The following CCNG2 variants were observed in gnomAD, a reference collection of about 807,000 sequenced individuals.
The protein encoded by CCNG2 is cyclin-G2.
Under a neutral mutation model 36.5 loss-of-function variants are expected in CCNG2, and 20 were observed. That is an observed-to-expected ratio of 0.55 (90% CI 0.39 to 0.80). The LOEUF (loss-of-function observed/expected upper bound fraction) is 0.80, where lower values mean the gene tolerates loss of function less well. CCNG2 is among the 30% of genes least tolerant of loss of function. The pLI is 0.00. For missense variants in CCNG2, 358 were observed against 390.8 expected (o/e 0.92, Z 0.71); for synonymous variants, 155 against 140.1 (o/e 1.11, Z -0.75).
At chr4:77,164,179 A>G (rs1213462281) in intron 6 of CCNG2, 95 bp from the exon 7 acceptor site, 1 of 695,124 alleles carries the variant, frequency 1.4e-6, no homozygotes, top group Admixed American at 2.5e-5. Flanking sequence ...CCAGGCATCT[A>G]TATATATATA....
chr4:77,161,850 T>C, intron 6 of CCNG2, 103 bp downstream of exon 6: 1 of 685,082 alleles, frequency 1.5e-6, no homozygotes, highest in Non-Finnish European at 2.5e-6. Flanking sequence ...CTCTTAACTT[T>C]TACACTTGTT....
At position 77,161,554 on chromosome 4, in the gene CCNG2, C is replaced by G. The variant is rs1236195495; in HGVS notation, c.602C>G (p.Ala201Gly). The change falls in exon 5 of 8, where the codon GCA becomes GGA. Residue 201 changes from alanine (A) to glycine (G), a missense_variant. By Grantham distance (60) the Ala-to-Gly change is moderately conservative. Transcript: ENST00000316355. ...AACTGCCGACTCATCTTTTCAAAAG[C>G]AAAAGTAAGTCGATTCCTTGCTTAT... is the stretch of plus-strand genomic sequence containing the variant. Reference protein sequence around the residue: ...ACNCRLIFSKAKPSVLALCLL... With the variant: ...ACNCRLIFSKGKPSVLALCLL... 6.2e-7 allele frequency: 1 copy of G among 1,608,116 alleles called. No homozygotes were observed. Among genetic ancestry groups the G allele is most frequent in the Admixed American group, 1.7e-5 (1 of 59,042 alleles).
intron 1 of CCNG2, chr4:77,158,320 G>T (rs1264316714): frequency 3.6e-6 from 2 of 563,324 alleles, no homozygotes; most frequent in South Asian, 2.2e-5. Flanking sequence ...GCTGGCCGGC[G>T]GACCTGACCA....
chr4:77,164,418 T>C lies in CCNG2; in HGVS notation c.850T>C (p.Tyr284His). ...CACAGCCCAGAACCTCCACAACAGC[T>C]ACTATAGTGTTCCTGAGCTGCCAAC... ...RRTAQNLHNS[Y>H]YSVPELPTIP... Residue 284 changes from tyrosine (Y) to histidine (H), a missense_variant, in exon 7 of 8, where the codon TAC becomes CAC. Transcript: ENST00000316355. 1 of 1,614,162 alleles carries C rather than the reference T, an allele frequency of 6.2e-7. No homozygotes were observed. The highest frequency in any genetic ancestry group is 8.5e-7 in the Non-Finnish European group (1 of 1,180,014).
At position 77,160,868 on chromosome 4, in the gene CCNG2, GA is replaced by G; in HGVS notation, c.430del (p.Ile144Ter). The G allele has an allele frequency of 6.2e-7, 1 of 1,613,814 alleles. No individual in the cohort carries two copies. The highest frequency in any genetic ancestry group is 8.5e-7 in the Non-Finnish European group (1 of 1,179,958). On this transcript the variant is annotated frameshift_variant, in exon 4 of 8. Coordinates refer to ENST00000316355, the MANE Select transcript of CCNG2 (RefSeq NM_004354.3). LOFTEE classifies it high-confidence loss of function. ...KCTASDIKRMEKIISEKLHYE... is the reference protein window; with the variant it reads ...KCTASDIKRMXKIISEKLHYE... ...TACTGCTTCTGACATAAAACGGATG[GA>G]AAAAATAATTTCAGAAAAATTGCAC...
At chr4:77,159,206 T>A (rs1731357962) in intron 2 of CCNG2, among the ~76,000 whole-genome samples, 161 bp from the exon 3 acceptor site, 1 of 152,252 alleles carries the variant, frequency 6.6e-6, no homozygotes, top group South Asian at 2.1e-4. Flanking sequence ...TGTATAGCTT[T>A]AGTTAAGCGA....
rs1731412758 is a variant in CCNG2 at position 77,160,819 on chromosome 4, G to A, written c.375G>A (p.Val125=). Residue 125 remains valine, a synonymous_variant, in exon 4 of 8, where the codon GTG becomes GTA. Transcript: ENST00000316355. ...GCAATATTCCATCCACTCATGATGT[G>A]ATCCGGATTAGTCAGTGTAAATGTA... ...EDCNIPSTHD[V]IRISQCKCTA... is the part of the protein sequence containing the mutation. 1 of 1,613,878 alleles carries A rather than the reference G, an allele frequency of 6.2e-7. No individual in the cohort carries two copies. The highest frequency in any genetic ancestry group is 1.1e-5 in the South Asian group (1 of 91,068).
At chr4:77,159,616 A>C in intron 3 of CCNG2, 112 bp downstream of exon 3, 1 of 967,864 alleles carries the variant, frequency 1.0e-6, no homozygotes, top group Admixed American at 3.0e-5. Flanking sequence ...TGTACATAAA[A>C]ATTTATAATC....
At chr4:77,157,610 C>T (rs191466109) in intron 1 of CCNG2, 104 bp downstream of exon 1, 1 of 152,680 alleles carries the variant, frequency 6.5e-6, no homozygotes, top group Non-Finnish European at 1.5e-5. Context: ...GCTGCCTGCT[C>T]CTCATCCGCT....
rs1037012415 is a variant in CCNG2, at chr4:77,165,862, G to A, written c.973G>A (p.Asp325Asn). 3 of 1,611,798 alleles carry A rather than the reference G, an allele frequency of 1.9e-6. No homozygotes were observed. The highest frequency in any genetic ancestry group is 2.5e-6 in the Non-Finnish European group (3 of 1,179,104). Reference protein sequence around the residue: ...EESLSSSPPSDQECTFFFNFK... With the variant: ...EESLSSSPPSNQECTFFFNFK... Reference sequence around the variant, plus strand: ...GAGTCTCAGCAGCTCTCCTCCCAGTGATCAAGAGTGCACCTTCTTTTTCAA... The same window carrying A: ...GAGTCTCAGCAGCTCTCCTCCCAGTAATCAAGAGTGCACCTTCTTTTTCAA... Residue 325 changes from aspartate to asparagine, a missense_variant, in exon 8 of 8, where the codon GAT (aspartate) becomes AAT (asparagine). Coordinates refer to ENST00000316355, the MANE Select transcript of CCNG2 (RefSeq NM_004354.3).
At chr4:77,160,603 A>G (rs1731405597) in intron 3 of CCNG2, 118 bp from the exon 4 acceptor site, 2 of 1,011,568 alleles carry the variant, frequency 2.0e-6, no homozygotes, top group South Asian at 3.1e-5. Flanking sequence ...GCCAGTACAT[A>G]TAAGAGAAAC....
At chr4:77,158,702 C>CAGCT (rs757990917) in intron 2 of CCNG2, 32 bp downstream of exon 2, 1 of 1,611,824 alleles carries the variant, frequency 6.2e-7, no homozygotes, top group African/African-American at 1.3e-5. Flanking sequence ...CTTGCTCAAG[C>CAGCT]AGCTGATGGG....
rs1238412663 is a variant in CCNG2 at position 77,157,228 on chromosome 4, C to G, written c.-279C>G. ...CGAAACTCTTAACAAAAACAAGGGG[C>G]TCGGGGAGGTTTCCGCTGAGGCGGC... On this transcript the variant is annotated 5_prime_UTR_variant, in exon 1 of 8. Transcript: ENST00000316355. 1 of 152,204 alleles carries G rather than the reference C, an allele frequency of 6.6e-6. No homozygotes were observed. Among genetic ancestry groups the G allele is most frequent in the African/African-American group, 2.4e-5 (1 of 41,452 alleles). The allele number at this position is 152,204 out of a possible 1,614,324, so 9.4% of individuals were successfully genotyped here.
In CCNG2 at chr4:77,161,753, T is replaced by C; in HGVS notation, c.705+6T>C. ...TAGTTAAAAAACATTCCAAGGTAATTACAGTCATTATTCTTTAAGGCAAAT... is the reference window on the plus strand; with the variant it reads ...TAGTTAAAAAACATTCCAAGGTAATCACAGTCATTATTCTTTAAGGCAAAT... On this transcript the variant is annotated splice_donor_region_variant and intron_variant, in intron 6 of 7. Transcript: ENST00000316355. 6.4e-7 allele frequency: 1 copy of C among 1,558,878 alleles called. No homozygotes were observed. Among genetic ancestry groups the C allele is most frequent in the Non-Finnish European group, 8.7e-7 (1 of 1,145,762 alleles).
rs1359877076 is a variant in CCNG2 at position 77,159,431 on chromosome 4, A to G, written c.203A>G (p.Asn68Ser). 7 of 1,614,060 alleles carry G rather than the reference A, an allele frequency of 4.3e-6. No homozygotes were observed. Among genetic ancestry groups the G allele is most frequent in the South Asian group, 3.3e-5 (3 of 91,078 alleles). ...GTTGAAGATTTAAGGAGTTTAGCCA[A>G]CTTTTTTGGATCTTGCACTGAAACT... ...AKVEDLRSLA[N>S]FFGSCTETFV... Residue 68 changes from asparagine to serine, a missense_variant, in exon 3 of 8, where the codon AAC (asparagine) becomes AGC (serine). Coordinates refer to ENST00000316355, the MANE Select transcript of CCNG2 (RefSeq NM_004354.3).
In CCNG2 at chr4:77,157,900, C is replaced by T. The variant is rs183896842; in HGVS notation, c.-1+394C>T. On this transcript the variant is annotated intron_variant, in intron 1 of 7. Coordinates refer to ENST00000316355, the MANE Select transcript of CCNG2 (RefSeq NM_004354.3). ...GGGGCGGGCGGGCTGGACTGGACTT[C>T]TCTCCCCGGACCGTAGCCGGGTGTG... 4.4e-3 allele frequency among the ~76,000 whole-genome samples: 672 copies of T among 152,166 alleles called. 8 individuals carry two copies. Among genetic ancestry groups the T allele is most frequent in the African/African-American group, 0.016 (644 of 41,532 alleles).
chr4:77,163,778 A>G (rs962324844), intron 6 of CCNG2, among the ~76,000 whole-genome samples: 4 of 152,216 alleles, frequency 2.6e-5, no homozygotes, highest in Non-Finnish European at 4.4e-5. Flanking sequence ...TCATATCACT[A>G]ACTTCTTTAG....
At chr4:77,158,291 C>T (rs367598566) in intron 1 of CCNG2, 4 of 516,846 alleles carry the variant, frequency 7.7e-6, no homozygotes, top group African/African-American at 3.9e-5. Flanking sequence ...GAGGCCAGGG[C>T]TGGCCGGTCT....
intron 1 of CCNG2, chr4:77,158,189 T>A: frequency 3.6e-6 from 1 of 279,220 alleles, no homozygotes; most frequent in Non-Finnish European, 6.9e-6. Context: ...TGCAGTCCCC[T>A]GGGCAGAAGG....
Sources: gnomAD v4.1 joint callset for allele counts (sites outside exome capture counted in the v4.1 genomes callset) on GRCh38, gnomAD v4.1.1 for gene constraint, MANE v1.5 for transcripts, NCBI Gene and HGNC (gene_info 2026-07-23, HGNC 2026-07-21) for gene names.